Variants in FREM1 observed in about 807,000 individuals in gnomAD.
FREM1 encodes FRAS1-related extracellular matrix protein 1.
In FREM1, 220 loss-of-function variants were observed where a neutral mutation model predicts 210.1. The observed-to-expected ratio is 1.05, with a 90% confidence interval of 0.94 to 1.17. The LOEUF (loss-of-function observed/expected upper bound fraction) is 1.17. Among genes scored for constraint, FREM1 ranks in the 50% most tolerant of loss-of-function variants. The probability of loss-of-function intolerance (pLI) is 0.00; values close to 1 mark genes in which losing one functional copy is unlikely to be tolerated. For missense variants in FREM1, 3,454 were observed against 2,675.5 expected, an observed-to-expected ratio of 1.29 and a Z score of -6.42; for synonymous variants, 1,189 against 980.2, an observed-to-expected ratio of 1.21 and a Z score of -3.98.
chr9:14,857,051 G>A (rs542513095), intron 5 of FREM1, among the ~76,000 whole-genome samples: 185 of 152,190 alleles, frequency 1.2e-3, no homozygotes, highest in African/African-American at 4.3e-3. Context: ...GAGGTCTTTG[G>A]GAGCCTGTCT....
At chr9:14,876,529 G>T (rs1833786408) in intron 1 of FREM1, among the ~76,000 whole-genome samples, 1 of 152,196 alleles carries the variant, frequency 6.6e-6, no homozygotes, top group Non-Finnish European at 1.5e-5. Context: ...AAGCCCGTCG[G>T]AAAAGCACAG....
At chr9:14,791,820 G>GTTTGGTTTGT in intron 22 of FREM1, among the ~76,000 whole-genome samples, 1 of 150,354 alleles carries the variant, frequency 6.7e-6, no homozygotes, top group East Asian at 2.0e-4. Context: ...TCAGATAATG[G>GTTTGGTTTGT]TTTGTTTTGT....
intron 21 of FREM1, among the ~76,000 whole-genome samples, chr9:14,796,679 C>G (rs1311613605): frequency 6.6e-6 from 1 of 152,100 alleles, no homozygotes; most frequent in Non-Finnish European, 1.5e-5. Flanking sequence ...CTCACAAGAT[C>G]TGATGGTTTT....
intron 14 of FREM1, among the ~76,000 whole-genome samples, chr9:14,818,646 G>A (rs1207493362): frequency 6.6e-6 from 1 of 152,194 alleles, no homozygotes; most frequent in Non-Finnish European, 1.5e-5. Flanking sequence ...TAGAGGAAAT[G>A]AAAGACCTTC....
intron 11 of FREM1, 135 bp downstream of exon 11, chr9:14,824,661 T>G: frequency 3.2e-6 from 2 of 622,254 alleles, no homozygotes; most frequent in Non-Finnish European, 5.5e-6. Context: ...AGTAAACGCT[T>G]AATTGAGTAT....
At chr9:14,902,809 C>T (rs1181994882) in intron 1 of FREM1, among the ~76,000 whole-genome samples, 1 of 152,200 alleles carries the variant, frequency 6.6e-6, no homozygotes, top group Admixed American at 6.5e-5. Flanking sequence ...ATATTACAAA[C>T]TGATTTTTAA....
intron 12 of FREM1, 94 bp downstream of exon 12, chr9:14,823,931 A>G: frequency 1.6e-6 from 1 of 607,984 alleles, no homozygotes; most frequent in South Asian, 4.0e-5. Context: ...GTGGATGTCA[A>G]AGACCAACAT....
intron 1 of FREM1, among the ~76,000 whole-genome samples, chr9:14,879,904 G>C (rs1834486824): frequency 1.3e-5 from 2 of 152,166 alleles, no homozygotes; most frequent in African/African-American, 2.4e-5. Context: ...AGTATAGATA[G>C]ACTGAAGAAA....
At chr9:14,901,389 A>T (rs1044990742) in intron 1 of FREM1, among the ~76,000 whole-genome samples, 5 of 152,192 alleles carry the variant, frequency 3.3e-5, no homozygotes, top group South Asian at 2.1e-4. Flanking sequence ...TTTCAGTGAA[A>T]CAATGGCCCT....
chr9:14,879,670 T>A (rs1436969993), intron 1 of FREM1, among the ~76,000 whole-genome samples: 1 of 152,192 alleles, frequency 6.6e-6, no homozygotes, highest in Non-Finnish European at 1.5e-5. Context: ...GATAAATCAT[T>A]CAATTTGACG....
Position 14,775,994 on chromosome 9 carries a change from T to C in FREM1, c.4652A>G (p.Gln1551Arg), listed in dbSNP as rs1848492508. ...NLTFLLVQLP[Q>R]HGQLYLWGTG... Reference sequence around the variant, plus strand: ...CCCCCACAGGTAGAGCTGGCCATGCTGGGGGAGCTGAACCAAGAGGAAGGT... The same window carrying C: ...CCCCCACAGGTAGAGCTGGCCATGCCGGGGGAGCTGAACCAAGAGGAAGGT... The change falls in exon 25 of 37, where the codon CAG (glutamine) becomes CGG (arginine). Residue 1551 changes from glutamine (Q) to arginine (R), a missense_variant. Physicochemically the swap from Gln to Arg is conservative, Grantham distance 43 (BLOSUM62 1). Transcript: ENST00000380880. The C allele has an allele frequency of 1.2e-6, 2 of 1,613,958 alleles. No homozygotes were observed. The highest frequency in any genetic ancestry group is 4.5e-5 in the East Asian group (2 of 44,866).
At chr9:14,866,945 C>T (rs555040679) in intron 2 of FREM1, among the ~76,000 whole-genome samples, 2 of 152,124 alleles carry the variant, frequency 1.3e-5, no homozygotes, top group South Asian at 2.1e-4. Flanking sequence ...CTGCAACTTC[C>T]GCCTCCCGGG....
chr9:14,834,721 A>G (rs1824212806), intron 10 of FREM1, among the ~76,000 whole-genome samples: 1 of 152,182 alleles, frequency 6.6e-6, no homozygotes, highest in African/African-American at 2.4e-5. Context: ...GTCACATGAG[A>G]TTGCCAAAAT....
rs767504799 is a variant in FREM1 at position 14,806,677 on chromosome 9, AT to A, written c.3257del (p.Asn1086IlefsTer4). 1 of 1,593,254 alleles carries A rather than the reference AT, an allele frequency of 6.3e-7. No individual in the cohort carries two copies. The highest frequency in any genetic ancestry group is 8.6e-7 in the Non-Finnish European group (1 of 1,167,072). On this transcript the variant is annotated frameshift_variant, in exon 18 of 37. Coordinates refer to ENST00000380880, the MANE Select transcript of FREM1 (RefSeq NM_001379081.2). LOFTEE classifies it high-confidence loss of function. ...ILPSVGFEKS[N>X]IGISIDSFQW... ...ACAGCTTACCTATACTTATGCCAAT[AT>A]TGCTTTTTTCAAAACCCACAGAAGG... is the stretch of plus-strand genomic sequence containing the variant.
chr9:14,741,673 A>G (rs572561634), intron 35 of FREM1, among the ~76,000 whole-genome samples: 3 of 152,344 alleles, frequency 2.0e-5, no homozygotes, highest in Admixed American at 6.5e-5. Context: ...CCCAGTCACT[A>G]TGACATTTTG....
intron 16 of FREM1, among the ~76,000 whole-genome samples, chr9:14,811,099 T>C (rs920518292): frequency 6.6e-6 from 1 of 152,178 alleles, no homozygotes; most frequent in African/African-American, 2.4e-5. Flanking sequence ...TAACTACCAA[T>C]TGAATAAGTG....
At position 14,869,995 on chromosome 9, in the gene FREM1, C is replaced by T. The variant is rs918365687; in HGVS notation, c.-267-751G>A. On this transcript the variant is annotated intron_variant, in intron 1 of 36. Coordinates refer to ENST00000380880, the MANE Select transcript of FREM1 (RefSeq NM_001379081.2). ...AGAGTCTTTGTTTCCACTTTATCCA[C>T]TTAGAATTTCATGATGATTTCTCTG... Among the ~76,000 whole-genome samples the T allele has an allele frequency of 2.6e-5, 4 of 152,144 alleles. 1 individual carries two copies. The South Asian group carries it at 8.3e-4, about 32-fold the overall frequency.
chr9:14,765,045 T>C (rs1846143717), intron 27 of FREM1, among the ~76,000 whole-genome samples: 1 of 152,242 alleles, frequency 6.6e-6, no homozygotes, highest in African/African-American at 2.4e-5. Context: ...TTTGAGCTTC[T>C]CAGCAAAAGG....
chr9:14,822,339 C>A (rs918737194), intron 13 of FREM1, among the ~76,000 whole-genome samples: 1 of 152,124 alleles, frequency 6.6e-6, no homozygotes, highest in African/African-American at 2.4e-5. Flanking sequence ...GCCCCACAAC[C>A]TTGGGCAGGT....
Sources: allele counts gnomAD v4.1 joint callset (sites outside exome capture counted in the v4.1 genomes callset), GRCh38; gene constraint gnomAD v4.1.1; transcripts MANE v1.5; gene names NCBI Gene and HGNC (gene_info 2026-07-23, HGNC 2026-07-21).